The following PIK3AP1 variants were observed in gnomAD, a reference collection of about 807,000 sequenced individuals.
PIK3AP1 encodes the protein phosphoinositide 3-kinase adapter protein 1.
PIK3AP1 carries 21 observed loss-of-function variants against 88.1 expected under a neutral mutation model. That is an observed-to-expected ratio of 0.24 (90% CI 0.17 to 0.34). PIK3AP1 has a LOEUF of 0.34. Ranked by LOEUF, PIK3AP1 falls within the 10% of genes least tolerant of loss-of-function variation. The pLI, the probability that PIK3AP1 is intolerant of heterozygous loss-of-function variation, is 1.00. For missense variants in PIK3AP1, 828 were observed against 1,035.7 expected, an observed-to-expected ratio of 0.80 and a Z score of 2.75; for synonymous variants, 398 against 400.0, an observed-to-expected ratio of 1.00 and a Z score of 0.06.
chr10:96,660,645 A>G (rs1227603398), intron 2 of PIK3AP1, among the ~76,000 whole-genome samples: 1 of 152,202 alleles, frequency 6.6e-6, no homozygotes, highest in African/African-American at 2.4e-5. Flanking sequence ...TCCAGCAATC[A>G]TGCTCCTCAG....
intron 2 of PIK3AP1, among the ~76,000 whole-genome samples, chr10:96,690,449 T>A (rs527937763): frequency 6.6e-6 from 1 of 152,036 alleles, no homozygotes; most frequent in Admixed American, 6.6e-5. Flanking sequence ...TTTTTTGTAG[T>A]GATGGGATCT....
At chr10:96,605,251 A>G (rs998815463) in intron 14 of PIK3AP1, among the ~76,000 whole-genome samples, 3 of 152,244 alleles carry the variant, frequency 2.0e-5, no homozygotes, top group African/African-American at 4.8e-5. Flanking sequence ...CTGTATCATT[A>G]GATTAGCATC....
At chr10:96,642,439 A>C (rs1263021981) in intron 8 of PIK3AP1, among the ~76,000 whole-genome samples, 1 of 143,408 alleles carries the variant, frequency 7.0e-6, no homozygotes, top group Middle Eastern at 3.5e-3. Flanking sequence ...AAAAAAAAAA[A>C]AAAACAGAAA....
At position 96,626,736 on chromosome 10, in the gene PIK3AP1, C is replaced by T. The variant is rs1843158622; in HGVS notation, c.1641G>A (p.Leu547=). ...PETTAPGAHQ[L]PDNEPYIFKV... is the part of the protein sequence containing the mutation. The stretch of plus-strand genomic sequence containing the variant: ...TAAAAATGTATGGTTCGTTGTCAGG[C>T]AGCTGGTGAGCACCAGGAGCAGTGG... Residue 547 remains leucine (L), a synonymous_variant, in exon 10 of 17, where the codon CTG becomes CTA. Coordinates refer to ENST00000339364, the MANE Select transcript of PIK3AP1 (RefSeq NM_152309.3). 6.2e-7 allele frequency: 1 copy of T among 1,614,108 alleles called. No individual in the cohort carries two copies. The highest frequency in any genetic ancestry group is 1.3e-5 in the African/African-American group (1 of 74,944).
chr10:96,597,276 TTCC>T (rs1848778016), intron 16 of PIK3AP1, among the ~76,000 whole-genome samples: 100 of 21,632 alleles, frequency 4.6e-3, no homozygotes, highest in East Asian at 0.013. Flanking sequence ...CTTTCTTTCC[TTCC>T]TTCCTTCCTT....
chr10:96,686,978 G>C (rs1281537794), intron 2 of PIK3AP1, among the ~76,000 whole-genome samples: 6 of 152,106 alleles, frequency 3.9e-5, no homozygotes, highest in Admixed American at 3.9e-4. Context: ...CTGATCTCTT[G>C]ATCTCTGTTA....
intron 15 of PIK3AP1, 93 bp downstream of exon 15, chr10:96,603,886 C>T (rs1848952762): frequency 2.5e-6 from 3 of 1,191,650 alleles, no homozygotes; most frequent in Non-Finnish European, 3.5e-6. Flanking sequence ...AATATATGAC[C>T]TTTTGTGCCT....
At chr10:96,650,649 G>A (rs1220190970) in intron 6 of PIK3AP1, among the ~76,000 whole-genome samples, 1 of 152,184 alleles carries the variant, frequency 6.6e-6, no homozygotes, top group East Asian at 1.9e-4. Flanking sequence ...GGAACCTACT[G>A]GAGGTTTGGA....
intron 2 of PIK3AP1, among the ~76,000 whole-genome samples, chr10:96,683,598 T>C (rs1273584842): frequency 6.6e-6 from 1 of 152,246 alleles, no homozygotes; most frequent in Non-Finnish European, 1.5e-5. Context: ...AATTCAGTTG[T>C]ATTGAAAATT....
Position 96,662,372 on chromosome 10 carries a change from C to T in PIK3AP1, c.431-5438G>A, listed in dbSNP as rs556399089. 7.8e-4 allele frequency among the ~76,000 whole-genome samples: 119 copies of T among 151,680 alleles called. 3 individuals are homozygous for T. The South Asian group carries it at 0.022, about 29-fold the overall frequency. On this transcript the variant is annotated intron_variant, in intron 2 of 16. Coordinates refer to ENST00000339364, the MANE Select transcript of PIK3AP1 (RefSeq NM_152309.3). ...TCCCTGCACTTTTGGGAGGCCAAGG[C>T]GGGTGGATCACCTGAGGTCAGGAGC...
rs1017199374 is a variant in PIK3AP1 at position 96,651,534 on chromosome 10, G to A, written c.830C>T (p.Ala277Val). The change falls in exon 5 of 17, where the codon GCG becomes GTG. Residue 277 changes from alanine (A) to valine (V), a missense_variant. By Grantham distance (64) the Ala-to-Val change is moderately conservative (BLOSUM62 0). Transcript: ENST00000339364. ...CTGACACATGAATTCCACAGGATTC[G>A]CGGCATTGGACAATAAATTCCCAAT... ...EEIGNLLSNA[A>V]NPVEFMCQAF... 1.2e-5 allele frequency: 19 copies of A among 1,614,116 alleles called. No homozygotes were observed. Among genetic ancestry groups the A allele is most frequent in the South Asian group, 3.3e-5 (3 of 91,082 alleles).
At chr10:96,716,729 C>CT (rs914693922) in intron 1 of PIK3AP1, among the ~76,000 whole-genome samples, 4 of 151,388 alleles carry the variant, frequency 2.6e-5, no homozygotes, top group South Asian at 2.1e-4. Flanking sequence ...TCACATCTCT[C>CT]TTTTTTTTTG....
intron 2 of PIK3AP1, among the ~76,000 whole-genome samples, chr10:96,708,127 C>T (rs537358467): frequency 6.6e-6 from 1 of 152,218 alleles, no homozygotes; most frequent in African/African-American, 2.4e-5. Flanking sequence ...CAAATTAATG[C>T]CCAAGTCACA....
intron 2 of PIK3AP1, among the ~76,000 whole-genome samples, chr10:96,693,198 CAG>C (rs1382809561): frequency 6.6e-6 from 1 of 152,228 alleles, no homozygotes; most frequent in African/African-American, 2.4e-5. Flanking sequence ...TCATTCTATT[CAG>C]TCGTTCAACA....
intron 2 of PIK3AP1, among the ~76,000 whole-genome samples, chr10:96,691,574 T>G (rs1162234567): frequency 6.6e-6 from 1 of 152,234 alleles, no homozygotes; most frequent in Non-Finnish European, 1.5e-5. Context: ...ATGTTATACG[T>G]TGGACTGGGG....
intron 2 of PIK3AP1, among the ~76,000 whole-genome samples, chr10:96,701,341 T>G (rs545738278): frequency 7.6e-4 from 115 of 152,210 alleles, no homozygotes; most frequent in Non-Finnish European, 1.4e-3. Context: ...CAAGGCCAAG[T>G]GTAAGCTTTC....
chr10:96,629,119 A>G (rs955453160), intron 8 of PIK3AP1, among the ~76,000 whole-genome samples: 1 of 151,882 alleles, frequency 6.6e-6, no homozygotes, highest in Non-Finnish European at 1.5e-5. Flanking sequence ...TGTAACAATT[A>G]AAAACAATGT....
rs765402932 is a variant in PIK3AP1, at chr10:96,709,560, T to A, written c.430+7A>T. ...AGGGCTTGCTTATCTTTAGAAGAAATCCTTACCTTCGGAAATGGCTTTTTT... is the reference window on the plus strand; with the variant it reads ...AGGGCTTGCTTATCTTTAGAAGAAAACCTTACCTTCGGAAATGGCTTTTTT... On this transcript the variant is annotated splice_region_variant and intron_variant, in intron 2 of 16. Coordinates refer to ENST00000339364, the MANE Select transcript of PIK3AP1 (RefSeq NM_152309.3). 2.5e-6 allele frequency: 4 copies of A among 1,597,138 alleles called. No homozygotes were observed.
At chr10:96,639,602 A>G (rs1290511637) in intron 8 of PIK3AP1, among the ~76,000 whole-genome samples, 2 of 152,192 alleles carry the variant, frequency 1.3e-5, no homozygotes, top group African/African-American at 4.8e-5. Context: ...TGGAGGAGCA[A>G]AAAGCAACAG....
Sources: allele counts gnomAD v4.1 joint callset (sites outside exome capture counted in the v4.1 genomes callset), GRCh38; gene constraint gnomAD v4.1.1; transcripts MANE v1.5; gene names NCBI Gene and HGNC (gene_info 2026-07-23, HGNC 2026-07-21).